The following IQSEC3 variants were observed in gnomAD, a reference collection of about 807,000 sequenced individuals.
IQSEC3 encodes IQ motif and SEC7 domain-containing protein 3.
Under a neutral mutation model 105.4 loss-of-function variants are expected in IQSEC3, and 50 were observed. The observed-to-expected ratio is 0.47, with a 90% confidence interval of 0.38 to 0.60. The LOEUF is 0.60. IQSEC3 is among the 20% of genes least tolerant of loss of function. The pLI is 0.00. For synonymous variants in IQSEC3, 708 were observed against 746.0 expected, an observed-to-expected ratio of 0.95 and a Z score of 0.83; for missense variants, 1,415 against 1,630.0, an observed-to-expected ratio of 0.87 and a Z score of 2.27.
chr12:82,964 A>G (rs1555071035), intron 1 of IQSEC3, among the ~76,000 whole-genome samples: 2 of 152,236 alleles, frequency 1.3e-5, no homozygotes, highest in African/African-American at 2.4e-5. Flanking sequence ...GACAGCCACA[A>G]ATGCTTGCAG....
chr12:104,974 G>A (rs954528515), intron 2 of IQSEC3, among the ~76,000 whole-genome samples: 2 of 152,256 alleles, frequency 1.3e-5, no homozygotes, highest in East Asian at 1.9e-4. Context: ...TGCCTGCTCC[G>A]GGAGTCGCAT....
chr12:110,271 G>T (rs569687265), intron 2 of IQSEC3, among the ~76,000 whole-genome samples: 1 of 151,718 alleles, frequency 6.6e-6, no homozygotes, highest in African/African-American at 2.4e-5. Context: ...TCAATCTTTT[G>T]CAGTTTCTTA....
At chr12:121,570 C>T (rs1865219317) in intron 2 of IQSEC3, among the ~76,000 whole-genome samples, 1 of 152,210 alleles carries the variant, frequency 6.6e-6, no homozygotes, top group South Asian at 2.1e-4. Flanking sequence ...TTTGCTGCTC[C>T]AGTGGCTGGA....
At chr12:116,489 G>A (rs11064561) in intron 2 of IQSEC3, among the ~76,000 whole-genome samples, 39,564 of 152,204 alleles carry the variant, frequency 0.26, 5,897 homozygotes, top group Non-Finnish European at 0.34. Flanking sequence ...GGTCCCTTTG[G>A]AACCTATTGC....
chr12:139,208 C>G lies in IQSEC3; in HGVS notation c.1845C>G (p.Ala615=), dbSNP rs1555088269. 1.3e-6 allele frequency: 2 copies of G among 1,595,206 alleles called. No homozygotes were observed. The change falls in exon 4 of 14, where the codon GCC becomes GCG. Residue 615 remains alanine (A), a synonymous_variant. Transcript: ENST00000538872. ...KSAKSGSEAS[A]SASKDALQAM... ...CCAAGTCAGGCTCGGAGGCGTCGGCCTCCGCCTCCAAGGACGCCCTGCAGG... is the reference window on the plus strand; with the variant it reads ...CCAAGTCAGGCTCGGAGGCGTCGGCGTCCGCCTCCAAGGACGCCCTGCAGG...
At chr12:127,380 G>A (rs1043807749) in intron 3 of IQSEC3, among the ~76,000 whole-genome samples, 20 of 152,178 alleles carry the variant, frequency 1.3e-4, no homozygotes, top group East Asian at 1.9e-4. Context: ...TTAGCCAGGC[G>A]TGGTGGCGCA....
intron 1 of IQSEC3, among the ~76,000 whole-genome samples, chr12:97,650 T>C (rs1864280735): frequency 1.3e-5 from 2 of 152,130 alleles, no homozygotes; most frequent in Non-Finnish European, 2.9e-5. Context: ...CCTCTATCTC[T>C]ATGAAATTTT....
At chr12:114,815 G>A (rs1165859706) in intron 2 of IQSEC3, among the ~76,000 whole-genome samples, 1 of 152,232 alleles carries the variant, frequency 6.6e-6, no homozygotes, top group Non-Finnish European at 1.5e-5. Flanking sequence ...GCCCCATGGG[G>A]TATTCCCCAT....
intron 7 of IQSEC3, among the ~76,000 whole-genome samples, chr12:160,632 G>A (rs1445013302): frequency 6.6e-6 from 1 of 152,082 alleles, no homozygotes; most frequent in South Asian, 2.1e-4. Flanking sequence ...GAGTGAGGAG[G>A]GGATAGGGAA....
intron 1 of IQSEC3, among the ~76,000 whole-genome samples, chr12:83,674 T>C (rs1324522461): frequency 1.4e-5 from 1 of 73,402 alleles, no homozygotes; most frequent in Non-Finnish European, 2.5e-5. Context: ...AGGGAGTTTG[T>C]GGGGAGAGAG....
At chr12:83,057 G>GCATA (rs1223868506) in intron 1 of IQSEC3, among the ~76,000 whole-genome samples, 1 of 152,138 alleles carries the variant, frequency 6.6e-6, no homozygotes, top group Non-Finnish European at 1.5e-5. Context: ...ACTTATCGTC[G>GCATA]CATACACCAG....
In IQSEC3 at chr12:169,161, T is replaced by A; in HGVS notation, c.3064+56T>A. 2.8e-6 allele frequency: 4 copies of A among 1,433,082 alleles called. No homozygotes were observed. In the South Asian group the frequency reaches 4.6e-5, roughly 16 times the overall value. The allele number at this position is 1,433,082 out of a possible 1,614,324, so 88.8% of individuals were successfully genotyped here. On this transcript the variant is annotated intron_variant, in intron 12 of 13. Coordinates refer to ENST00000538872, the MANE Select transcript of IQSEC3 (RefSeq NM_001170738.2). ...CCCCATGGAGGCCACTCGGGGACCCTGGGTGTGGGTCCTGGGCAATCTGCA... is the reference window on the plus strand; with the variant it reads ...CCCCATGGAGGCCACTCGGGGACCCAGGGTGTGGGTCCTGGGCAATCTGCA...
chr12:107,775 G>GT (rs1225132600), intron 2 of IQSEC3, among the ~76,000 whole-genome samples: 1 of 152,128 alleles, frequency 6.6e-6, no homozygotes, highest in African/African-American at 2.4e-5. Context: ...CCACACACTT[G>GT]TTTAACAAGG....
intron 5 of IQSEC3, among the ~76,000 whole-genome samples, chr12:144,875 T>C (rs1348168563): frequency 6.6e-5 from 10 of 152,272 alleles, no homozygotes; most frequent in Non-Finnish European, 2.9e-5. Context: ...CTTGCTCTGT[T>C]GCCTGGAGTG....
intron 3 of IQSEC3, chr12:137,442 G>A (rs1865811601): frequency 6.6e-6 from 1 of 152,110 alleles, no homozygotes; most frequent in Non-Finnish European, 1.5e-5. Flanking sequence ...GTGCACAAAA[G>A]TAGAAACGAC....
intron 2 of IQSEC3, among the ~76,000 whole-genome samples, chr12:112,485 G>A (rs1475574839): frequency 6.6e-6 from 1 of 152,162 alleles, no homozygotes; most frequent in Non-Finnish European, 1.5e-5. Flanking sequence ...AGAAAGTGTC[G>A]TGTGACCTAG....
chr12:138,386 G>A lies in IQSEC3; in HGVS notation c.1023G>A (p.Ser341=), dbSNP rs1555087121. The change falls in exon 4 of 14, where the codon TCG becomes TCA. Residue 341 remains serine (S), a synonymous_variant. Coordinates refer to ENST00000538872, the MANE Select transcript of IQSEC3 (RefSeq NM_001170738.2). The surrounding 1 kb of genome is among the most constrained non-coding windows in gnomAD (Gnocchi z 7.1). ...AGAACTTCGAGAAAATCCGCAACTC[G>A]CTTCTGGAGAGCCGCCTGCCACGGC... ...LSKNFEKIRN[S]LLESRLPRRI... The A allele has an allele frequency of 1.2e-6, 2 of 1,611,390 alleles. No individual in the cohort carries two copies. Among genetic ancestry groups the A allele is most frequent in the African/African-American group, 1.3e-5 (1 of 75,054 alleles).
At chr12:143,831 G>C (rs548088372) in intron 5 of IQSEC3, 4 of 126,706 alleles carry the variant, frequency 3.2e-5, no homozygotes, top group Non-Finnish European at 7.1e-5. Flanking sequence ...GCACCCGTGT[G>C]TGTGTGTGTG....
chr12:114,769 G>A (rs898393499), intron 2 of IQSEC3, among the ~76,000 whole-genome samples: 26 of 152,240 alleles, frequency 1.7e-4, no homozygotes, highest in African/African-American at 6.0e-4. Context: ...TATCCCAACA[G>A]GGAAAGGCTT....
Sources: gnomAD v4.1 joint callset for allele counts (sites outside exome capture counted in the v4.1 genomes callset) on GRCh38, gnomAD v4.1.1 for gene constraint, Gnocchi (gnomAD v3.1) non-coding constraint, MANE v1.5 for transcripts, NCBI Gene and HGNC (gene_info 2026-07-23, HGNC 2026-07-21) for gene names.